The following AGBL4 variants were observed in gnomAD, a reference collection of about 807,000 sequenced individuals.
AGBL4 encodes the protein cytosolic carboxypeptidase 6.
AGBL4 carries 58 observed loss-of-function variants against 66.4 expected under a neutral mutation model. That is an observed-to-expected ratio of 0.87 (90% CI 0.71 to 1.09). The LOEUF (loss-of-function observed/expected upper bound fraction) is 1.09, where lower values mean the gene tolerates loss of function less well. AGBL4 is among the 50% of genes least tolerant of loss of function. The pLI is 0.00. For synonymous variants in AGBL4, 234 were observed against 222.9 expected, an observed-to-expected ratio of 1.05 and a Z score of -0.44; for missense variants, 579 against 631.0, an observed-to-expected ratio of 0.92 and a Z score of 0.88.
chr1:49,309,071 T>C (rs1273044214), intron 3 of AGBL4, among the ~76,000 whole-genome samples: 1 of 152,034 alleles, frequency 6.6e-6, no homozygotes, highest in East Asian at 1.9e-4. Flanking sequence ...ACTGAGAAGG[T>C]AGACTATAGT....
At chr1:49,648,817 A>T (rs566065110) in intron 3 of AGBL4, among the ~76,000 whole-genome samples, 5 of 152,186 alleles carry the variant, frequency 3.3e-5, no homozygotes, top group African/African-American at 1.2e-4. Context: ...AGGAATCTGT[A>T]GCCAGTAGAC....
intron 3 of AGBL4, among the ~76,000 whole-genome samples, chr1:49,694,898 T>C (rs190018441): frequency 7.2e-5 from 11 of 152,254 alleles, no homozygotes; most frequent in Admixed American, 4.6e-4. Flanking sequence ...CCTCCTTGTA[T>C]AAGCTGTATA....
At chr1:48,856,226 AT>A (rs1274792278) in intron 6 of AGBL4, among the ~76,000 whole-genome samples, 1 of 152,212 alleles carries the variant, frequency 6.6e-6, no homozygotes, top group Non-Finnish European at 1.5e-5. Flanking sequence ...TGATAAAAAG[AT>A]GGTGTGTAAA....
At chr1:48,705,986 G>GA (rs371540886) in intron 6 of AGBL4, among the ~76,000 whole-genome samples, 1 of 152,272 alleles carries the variant, frequency 6.6e-6, no homozygotes, top group Non-Finnish European at 1.5e-5. Flanking sequence ...AATAAAAAGT[G>GA]AATTTGGTTG....
intron 4 of AGBL4, among the ~76,000 whole-genome samples, chr1:49,116,776 G>T (rs1479893764): frequency 6.6e-6 from 1 of 152,172 alleles, no homozygotes; most frequent in Non-Finnish European, 1.5e-5. Flanking sequence ...TCTAATTCCA[G>T]ATACTTGAGG....
chr1:49,463,410 T>C (rs1391143107), intron 3 of AGBL4, among the ~76,000 whole-genome samples: 2 of 151,724 alleles, frequency 1.3e-5, no homozygotes, highest in African/African-American at 4.8e-5. Context: ...CGACCACATT[T>C]TACTATGAAT....
chr1:48,754,561 G>C (rs552998817), intron 6 of AGBL4, among the ~76,000 whole-genome samples: 4 of 152,172 alleles, frequency 2.6e-5, no homozygotes, highest in African/African-American at 4.8e-5. Flanking sequence ...ATTTGGGGGA[G>C]GAGGGGCAGG....
At chr1:49,874,696 C>G (rs891662575) in intron 1 of AGBL4, among the ~76,000 whole-genome samples, 1 of 152,070 alleles carries the variant, frequency 6.6e-6, no homozygotes, top group African/African-American at 2.4e-5. Flanking sequence ...ACATCTACAT[C>G]TTAATTTATC....
chr1:49,838,238 CAAT>C (rs1166667833), intron 2 of AGBL4, among the ~76,000 whole-genome samples: 1 of 152,150 alleles, frequency 6.6e-6, no homozygotes, highest in Non-Finnish European at 1.5e-5. Flanking sequence ...GGCTATCCAA[CAAT>C]GATGATATCA....
At chr1:48,917,696 A>G (rs1185749673) in intron 5 of AGBL4, among the ~76,000 whole-genome samples, 2 of 152,232 alleles carry the variant, frequency 1.3e-5, no homozygotes, top group African/African-American at 4.8e-5. Flanking sequence ...ATTTTGATAT[A>G]GATGCTGTTA....
At chr1:49,762,949 C>T (rs1287984944) in intron 2 of AGBL4, among the ~76,000 whole-genome samples, 4 of 152,138 alleles carry the variant, frequency 2.6e-5, no homozygotes, top group Admixed American at 2.6e-4. Flanking sequence ...TTAAAAAATC[C>T]TTGCCCAGCC....
At chr1:49,080,890 A>AT (rs1370362855) in intron 4 of AGBL4, among the ~76,000 whole-genome samples, 1 of 152,122 alleles carries the variant, frequency 6.6e-6, no homozygotes, top group African/African-American at 2.4e-5. Context: ...CCTTTTTGGT[A>AT]TTTTGTGAAC....
chr1:49,220,346 A>T (rs1023187357), intron 4 of AGBL4, among the ~76,000 whole-genome samples: 2 of 152,160 alleles, frequency 1.3e-5, no homozygotes, highest in Non-Finnish European at 2.9e-5. Flanking sequence ...GATCCTTGTC[A>T]TCATGAAGAC....
chr1:49,607,963 G>A (rs1003323364), intron 3 of AGBL4, among the ~76,000 whole-genome samples: 30 of 152,160 alleles, frequency 2.0e-4, no homozygotes, highest in African/African-American at 2.4e-5. Flanking sequence ...TAGGGGAGAA[G>A]TGAGACTATC....
chr1:49,664,977 T>C (rs1358244828), intron 3 of AGBL4, among the ~76,000 whole-genome samples: 3 of 152,112 alleles, frequency 2.0e-5, no homozygotes, highest in Non-Finnish European at 4.4e-5. Flanking sequence ...AATACAAAAC[T>C]TGTGTAATGC....
intron 3 of AGBL4, among the ~76,000 whole-genome samples, chr1:49,421,987 T>A (rs1645556729): frequency 6.6e-6 from 1 of 152,212 alleles, no homozygotes; most frequent in Non-Finnish European, 1.5e-5. Flanking sequence ...GTGTCTTTCA[T>A]TGCAGTAACT....
chr1:48,875,971 G>A (rs778409421), intron 5 of AGBL4, among the ~76,000 whole-genome samples: 4 of 152,250 alleles, frequency 2.6e-5, no homozygotes, highest in African/African-American at 4.8e-5. Flanking sequence ...TGGCTTATTC[G>A]CAGGTTTATA....
At chr1:49,581,108 C>A (rs903228450) in intron 3 of AGBL4, among the ~76,000 whole-genome samples, 1 of 151,884 alleles carries the variant, frequency 6.6e-6, no homozygotes, top group Non-Finnish European at 1.5e-5. Flanking sequence ...TTCTGAAATT[C>A]TTTCTTCTGC....
chr1:48,565,959 G>A (rs775749095), intron 11 of AGBL4, among the ~76,000 whole-genome samples: 26 of 152,178 alleles, frequency 1.7e-4, no homozygotes, highest in African/African-American at 5.1e-4. Context: ...CAATTCTCTC[G>A]AAATCATACT....
Sources: gnomAD v4.1 joint callset for allele counts (sites outside exome capture counted in the v4.1 genomes callset) on GRCh38, gnomAD v4.1.1 for gene constraint, MANE v1.5 for transcripts, NCBI Gene and HGNC (gene_info 2026-07-23, HGNC 2026-07-21) for gene names.